Variants in PSEN1 observed in about 807,000 individuals in gnomAD.
PSEN1 encodes the protein presenilin-1.
PSEN1 carries 15 observed loss-of-function variants against 53.5 expected under a neutral mutation model. The observed-to-expected ratio is 0.28, with a 90% CI of 0.19 to 0.43. PSEN1 has a LOEUF of 0.43. Among genes scored for constraint, PSEN1 ranks in the 20% least tolerant of loss-of-function variants. The probability of loss-of-function intolerance (pLI) is 1.00; values close to 1 mark genes in which losing one functional copy is unlikely to be tolerated. For missense variants in PSEN1, 387 were observed against 571.2 expected (o/e 0.68, Z 3.29); for synonymous variants, 208 against 209.8 (o/e 0.99, Z 0.08).
At chr14:73,137,567 G>A (rs1329969660) in intron 1 of PSEN1, among the ~76,000 whole-genome samples, 2 of 152,086 alleles carry the variant, frequency 1.3e-5, no homozygotes, top group African/African-American at 2.4e-5. Flanking sequence ...GGGAAGAGGA[G>A]GCCAAGGCAA....
chr14:73,153,125 G>A (rs1415955786), intron 3 of PSEN1, among the ~76,000 whole-genome samples: 1 of 152,126 alleles, frequency 6.6e-6, no homozygotes, highest in Non-Finnish European at 1.5e-5. Context: ...AAATGAAATG[G>A]GTGATCTAAA....
At chr14:73,217,858 G>A (rs921427645) in intron 11 of PSEN1, among the ~76,000 whole-genome samples, 6 of 142,528 alleles carry the variant, frequency 4.2e-5, no homozygotes, top group Admixed American at 7.3e-5. Flanking sequence ...GTGCAATCTC[G>A]GCTCATTGCA....
rs200186908 is a variant in PSEN1, at chr14:73,219,500, G to A, written c.*211G>A. 68 of 582,932 alleles carry A rather than the reference G, an allele frequency of 1.2e-4. No homozygotes were observed. The highest frequency in any genetic ancestry group is 6.4e-4 in the East Asian group (21 of 32,764). The allele number at this position is 582,932 out of a possible 1,614,324, so 36.1% of individuals were successfully genotyped here. A position where few individuals can be genotyped will look rare whatever the true frequency, so the allele number is the denominator to read the frequency against. ...AAAACGATTTTGAACATACTTCATC[G>A]CAGTGGACTGTGTCCCTCGGTGCAG... On this transcript the variant is annotated 3_prime_UTR_variant, in exon 12 of 12. Coordinates refer to ENST00000324501, the MANE Select transcript of PSEN1 (RefSeq NM_000021.4).
chr14:73,218,595 C>T (rs1011188295), intron 11 of PSEN1, among the ~76,000 whole-genome samples: 1 of 152,078 alleles, frequency 6.6e-6, no homozygotes, highest in Non-Finnish European at 1.5e-5. Context: ...TTAAACACTG[C>T]AGCCTCATCA....
intron 3 of PSEN1, among the ~76,000 whole-genome samples, chr14:73,161,778 G>A (rs1300622891): frequency 6.6e-6 from 1 of 152,136 alleles, no homozygotes; most frequent in Non-Finnish European, 1.5e-5. Flanking sequence ...AGCTGATACT[G>A]TGTGACACAA....
rs1177010701 is a variant in PSEN1, at chr14:73,206,396, G to T, written c.879G>T (p.Val293=). Residue 293 remains valine, a synonymous_variant, in exon 9 of 12, where the codon GTG becomes GTT. Transcript: ENST00000324501. ...TGTCTTTCCCAACAGCAACAATGGT[G>T]TGGTTGGTGAATATGGCAGAAGGAG... is the stretch of plus-strand genomic sequence containing the variant. ...FPALIYSSTM[V]WLVNMAEGDP... 2.0e-5 allele frequency: 33 copies of T among 1,613,890 alleles called. No homozygotes were observed. The highest frequency in any genetic ancestry group is 2.8e-5 in the Non-Finnish European group (33 of 1,179,872).
intron 8 of PSEN1, among the ~76,000 whole-genome samples, chr14:73,203,784 A>G (rs942867021): frequency 2.6e-5 from 4 of 152,182 alleles, no homozygotes; most frequent in African/African-American, 7.2e-5. Flanking sequence ...AGGGAAACTA[A>G]CAATTCCTTG....
At chr14:73,208,898 G>T (rs1594752294) in intron 9 of PSEN1, 1 of 454,626 alleles carries the variant, frequency 2.2e-6, no homozygotes, top group South Asian at 1.6e-5. Context: ...CATGCCAAAG[G>T]GTGCCTGCAG....
At position 73,148,847 on chromosome 14, in the gene PSEN1, C is replaced by T. The variant is rs539491442; in HGVS notation, c.87+741C>T. On this transcript the variant is annotated intron_variant, in intron 3 of 11. Coordinates refer to ENST00000324501, the MANE Select transcript of PSEN1 (RefSeq NM_000021.4). ...ACTCAGGAGGCTGAGCCAGGAGAAT[C>T]GCTGGAACCCAGGAGGTGGAGGTTA... Among the ~76,000 whole-genome samples, 5 of 152,076 alleles carry T rather than the reference C, an allele frequency of 3.3e-5. No individual in the cohort carries two copies. In the South Asian group the frequency reaches 6.2e-4, roughly 19 times the overall value.
chr14:73,181,252 C>T (rs2140060923), intron 5 of PSEN1, among the ~76,000 whole-genome samples: 1 of 152,012 alleles, frequency 6.6e-6, no homozygotes, highest in African/African-American at 2.4e-5. Flanking sequence ...CCAGCCTGAC[C>T]AACATGGAGA....
At chr14:73,171,117 C>T in intron 4 of PSEN1, 70 bp downstream of exon 4, 1 of 1,577,336 alleles carries the variant, frequency 6.3e-7, no homozygotes, top group Non-Finnish European at 8.7e-7. Context: ...TCATCATCAC[C>T]TTGAAGGCCT....
intron 10 of PSEN1, among the ~76,000 whole-genome samples, chr14:73,215,045 C>G (rs1899856807): frequency 2.0e-5 from 3 of 152,082 alleles, no homozygotes; most frequent in African/African-American, 7.2e-5. Flanking sequence ...CACTGCAACT[C>G]TGCCTCCCAG....
chr14:73,192,832 C>T lies in PSEN1; in HGVS notation c.737C>T (p.Ala246Val). 1 of 1,613,396 alleles carries T rather than the reference C, an allele frequency of 6.2e-7. No homozygotes were observed. The highest frequency in any genetic ancestry group is 1.1e-5 in the South Asian group (1 of 91,072). Residue 246 changes from alanine (A) to valine (V), a missense_variant, in exon 7 of 12, where the codon GCG becomes GTG. Ala to Val is a moderately conservative substitution (Grantham distance 64, BLOSUM62 0). Around this residue, in one of 4 missense-constraint regions of PSEN1, gnomAD observed 169 missense variants for 299.7 expected, o/e 0.56. Coordinates refer to ENST00000324501, the MANE Select transcript of PSEN1 (RefSeq NM_000021.4). Reference protein sequence around the residue: ...VFIKYLPEWTAWLILAVISVY... With the variant: ...VFIKYLPEWTVWLILAVISVY... ...ATCAAGTACCTCCCTGAATGGACTG[C>T]GTGGCTCATCTTGGCTGTGATTTCA...
At chr14:73,208,935 T>TCCTCAGCTG (rs2140129906) in intron 9 of PSEN1, 1 of 452,550 alleles carries the variant, frequency 2.2e-6, no homozygotes, top group East Asian at 7.0e-5. Context: ...CTTCAGCCCC[T>TCCTCAGCTG]CCTCAGTCTC....
intron 3 of PSEN1, among the ~76,000 whole-genome samples, chr14:73,162,473 G>GGAGAGAGAGA (rs371588222): frequency 6.9e-6 from 1 of 145,380 alleles, no homozygotes; most frequent in Non-Finnish European, 1.5e-5. Context: ...TCCATGAGAA[G>GGAGAGAGAGA]GAGAGAGAGA....
intron 3 of PSEN1, among the ~76,000 whole-genome samples, chr14:73,160,389 C>T (rs973732199): frequency 6.6e-6 from 1 of 152,132 alleles, no homozygotes; most frequent in African/African-American, 2.4e-5. Flanking sequence ...GTTTGTAATT[C>T]AGTTCGTTTT....
rs530431091 is a variant in PSEN1 at position 73,154,348 on chromosome 14, A to G, written c.87+6242A>G. 7.2e-5 allele frequency among the ~76,000 whole-genome samples: 11 copies of G among 152,172 alleles called. No individual in the cohort carries two copies. In the South Asian group the frequency reaches 2.3e-3, roughly 32 times the overall value. On this transcript the variant is annotated intron_variant, in intron 3 of 11. Coordinates refer to ENST00000324501, the MANE Select transcript of PSEN1 (RefSeq NM_000021.4). The stretch of plus-strand genomic sequence containing the variant: ...TGTGGTGGCTCATGTCTGTATTCCT[A>G]GTACTTTGGGAGGCTGAGGCAGGAG...
At chr14:73,184,870 G>A (rs1374840228) in intron 5 of PSEN1, among the ~76,000 whole-genome samples, 1 of 146,652 alleles carries the variant, frequency 6.8e-6, no homozygotes, top group Non-Finnish European at 1.5e-5. Flanking sequence ...CCGGGCGGAG[G>A]GGCTCCTCAC....
chr14:73,218,702 G>T (rs1019975737), intron 11 of PSEN1, among the ~76,000 whole-genome samples: 3 of 145,700 alleles, frequency 2.1e-5, no homozygotes, highest in Admixed American at 6.9e-5. Context: ...GCATAGAGAA[G>T]CCCCCGCACA....
Sources: gnomAD v4.1 joint callset for allele counts (sites outside exome capture counted in the v4.1 genomes callset) on GRCh38, gnomAD v4.1.1 for gene constraint, gnomAD v4.1.1 regional missense constraint, MANE v1.5 for transcripts, NCBI Gene and HGNC (gene_info 2026-07-23, HGNC 2026-07-21) for gene names.